CAMK4: variants seen among roughly 807,000 people sequenced by gnomAD.
CAMK4 encodes calcium/calmodulin-dependent protein kinase type IV.
Under a neutral mutation model 44.9 loss-of-function variants are expected in CAMK4, and 22 were observed. That is an observed-to-expected ratio of 0.49 (90% CI 0.35 to 0.70). The LOEUF (loss-of-function observed/expected upper bound fraction) is 0.70. CAMK4 is among the 30% of genes least tolerant of loss of function. The pLI, the probability that CAMK4 is intolerant of heterozygous loss-of-function variation, is 0.01. For synonymous variants in CAMK4, 218 were observed against 215.4 expected, an observed-to-expected ratio of 1.01 and a Z score of -0.11; for missense variants, 498 against 586.8, an observed-to-expected ratio of 0.85 and a Z score of 1.56.
chr5:111,273,694 T>C (rs1170206757), intron 1 of CAMK4, among the ~76,000 whole-genome samples: 2 of 50,736 alleles, frequency 3.9e-5, no homozygotes, highest in East Asian at 1.7e-3. Flanking sequence ...TATATATATA[T>C]ATATATATAT....
chr5:111,341,459 CT>C (rs36122441), intron 1 of CAMK4, among the ~76,000 whole-genome samples: 4 of 150,434 alleles, frequency 2.7e-5, no homozygotes, highest in Admixed American at 6.7e-5. Flanking sequence ...TTTAGAAAAA[CT>C]TTTTTTTGTC....
At chr5:111,365,720 A>G (rs760298011) in intron 2 of CAMK4, among the ~76,000 whole-genome samples, 3 of 152,138 alleles carry the variant, frequency 2.0e-5, no homozygotes, top group Non-Finnish European at 4.4e-5. Flanking sequence ...GACCAAAAAC[A>G]AGTCACTCCT....
intron 1 of CAMK4, among the ~76,000 whole-genome samples, chr5:111,294,814 AT>A (rs1271919895): frequency 6.6e-6 from 1 of 152,016 alleles, no homozygotes; most frequent in Non-Finnish European, 1.5e-5. Context: ...AGCAGGTTGC[AT>A]TTTTCTTAAA....
intron 1 of CAMK4, among the ~76,000 whole-genome samples, chr5:111,289,207 A>G (rs949449650): frequency 5.3e-5 from 8 of 152,032 alleles, no homozygotes; most frequent in Non-Finnish European, 1.0e-4. Flanking sequence ...TTAGCTGGAC[A>G]TGGTGGCGCT....
At chr5:111,355,375 A>G (rs992543723) in intron 2 of CAMK4, among the ~76,000 whole-genome samples, 2 of 152,134 alleles carry the variant, frequency 1.3e-5, no homozygotes, top group African/African-American at 4.8e-5. Context: ...ATGCTTTACC[A>G]TTCAAGAATA....
intron 1 of CAMK4, among the ~76,000 whole-genome samples, chr5:111,333,683 T>A (rs990629062): frequency 6.6e-6 from 1 of 151,608 alleles, no homozygotes; most frequent in South Asian, 2.1e-4. Flanking sequence ...AGGTCCAAAG[T>A]CACAACTGGA....
At chr5:111,360,826 T>C (rs1750562040) in intron 2 of CAMK4, among the ~76,000 whole-genome samples, 1 of 152,078 alleles carries the variant, frequency 6.6e-6, no homozygotes, top group Non-Finnish European at 1.5e-5. Flanking sequence ...TCTAGACTTC[T>C]ACATCTAGAA....
chr5:111,261,279 T>C (rs947503656), intron 1 of CAMK4, among the ~76,000 whole-genome samples: 2 of 152,230 alleles, frequency 1.3e-5, no homozygotes, highest in African/African-American at 4.8e-5. Context: ...AGAGCCTCTG[T>C]CGTCTTCCAT....
intron 7 of CAMK4, among the ~76,000 whole-genome samples, chr5:111,459,184 T>C (rs114070752): frequency 0.013 from 1,962 of 152,212 alleles, 38 homozygotes; most frequent in African/African-American, 0.045. Flanking sequence ...AGCAACACCA[T>C]CATTAGTAGG....
In CAMK4 at chr5:111,419,126, A is replaced by T. The variant is rs200527742; in HGVS notation, c.459+24344A>T. ...CCTGTTGTTTCCTGAATTTTTAATG[A>T]TCGCCATTCTAACTGGTGTGAGATG... On this transcript the variant is annotated intron_variant, in intron 5 of 10. Coordinates refer to ENST00000282356, the MANE Select transcript of CAMK4 (RefSeq NM_001744.6). 2.2e-4 allele frequency among the ~76,000 whole-genome samples: 33 copies of T among 152,252 alleles called. No individual in the cohort carries two copies. The East Asian group carries it at 5.8e-3, about 27-fold the overall frequency.
At chr5:111,333,641 T>C (rs533653462) in intron 1 of CAMK4, among the ~76,000 whole-genome samples, 1 of 151,722 alleles carries the variant, frequency 6.6e-6, no homozygotes, top group East Asian at 2.0e-4. Context: ...AGGAGCCATA[T>C]TTAAGCCAAT....
intron 9 of CAMK4, among the ~76,000 whole-genome samples, chr5:111,479,181 G>C (rs1433020841): frequency 1.3e-5 from 2 of 152,116 alleles, no homozygotes; most frequent in South Asian, 4.1e-4. Flanking sequence ...ACCCAGCCTA[G>C]ATATACTTCA....
At chr5:111,322,448 A>T (rs961983893) in intron 1 of CAMK4, among the ~76,000 whole-genome samples, 1 of 152,170 alleles carries the variant, frequency 6.6e-6, no homozygotes. Context: ...TTTTATCCTA[A>T]TAACAAATAA....
At chr5:111,380,724 T>C (rs2112834841) in intron 4 of CAMK4, among the ~76,000 whole-genome samples, 1 of 152,318 alleles carries the variant, frequency 6.6e-6, no homozygotes, top group East Asian at 1.9e-4. Flanking sequence ...CTTGCCTGTT[T>C]AGGCTTGTTC....
At chr5:111,294,912 G>A (rs1747422998) in intron 1 of CAMK4, among the ~76,000 whole-genome samples, 1 of 152,080 alleles carries the variant, frequency 6.6e-6, no homozygotes, top group South Asian at 2.1e-4. Context: ...AAACTGTTAT[G>A]TTTTTCACTT....
At chr5:111,357,479 A>G (rs988595746) in intron 2 of CAMK4, among the ~76,000 whole-genome samples, 1 of 152,118 alleles carries the variant, frequency 6.6e-6, no homozygotes, top group Non-Finnish European at 1.5e-5. Context: ...AAAATGTGTT[A>G]ATAAATTTTA....
chr5:111,374,992 A>C (rs1751160363), intron 3 of CAMK4, 80 bp downstream of exon 3: 1 of 844,928 alleles, frequency 1.2e-6, no homozygotes, highest in Admixed American at 2.2e-5. Flanking sequence ...GTCAGTGCTG[A>C]TAATGAGAAG....
intron 2 of CAMK4, among the ~76,000 whole-genome samples, chr5:111,357,804 A>G (rs1283704605): frequency 6.6e-6 from 1 of 152,112 alleles, no homozygotes; most frequent in Admixed American, 6.6e-5. Context: ...GAATTGTTAA[A>G]CACTATGTAA....
At chr5:111,480,614 C>G (rs554605883) in intron 9 of CAMK4, among the ~76,000 whole-genome samples, 1 of 152,048 alleles carries the variant, frequency 6.6e-6, no homozygotes. Context: ...GTCTGACACA[C>G]CTGGATTTAA....
Sources: gnomAD v4.1 joint callset for allele counts (sites outside exome capture counted in the v4.1 genomes callset) on GRCh38, gnomAD v4.1.1 for gene constraint, MANE v1.5 for transcripts, NCBI Gene and HGNC (gene_info 2026-07-23, HGNC 2026-07-21) for gene names.